The following ARHGAP15 variants were observed in gnomAD, a reference collection of about 807,000 sequenced individuals.
ARHGAP15 encodes the protein Rho GTPase activating protein 15, also known as rho GTPase-activating protein 15.
ARHGAP15 carries 51 observed loss-of-function variants against 63.7 expected under a neutral mutation model. The observed-to-expected ratio is 0.80, with a 90% CI of 0.64 to 1.01. The LOEUF (loss-of-function observed/expected upper bound fraction) is 1.01, where lower values mean the gene tolerates loss of function less well. Among genes scored for constraint, ARHGAP15 ranks in the 50% least tolerant of loss-of-function variants. The pLI is 0.00. For missense variants in ARHGAP15, 560 were observed against 564.6 expected (o/e 0.99, Z 0.08); for synonymous variants, 191 against 193.8 (o/e 0.99, Z 0.12).
At chr2:143,517,370 C>T (rs921296555) in intron 9 of ARHGAP15, among the ~76,000 whole-genome samples, 20 of 152,180 alleles carry the variant, frequency 1.3e-4, no homozygotes, top group African/African-American at 4.6e-4. Flanking sequence ...ATTCTCTCTA[C>T]ACTCGATTTT....
intron 10 of ARHGAP15, among the ~76,000 whole-genome samples, chr2:143,530,981 GAT>G (rs1694498183): frequency 6.6e-6 from 1 of 152,166 alleles, no homozygotes; most frequent in Non-Finnish European, 1.5e-5. Flanking sequence ...GGAAGTTAAG[GAT>G]ACAGCAAAGA....
chr2:143,425,542 T>A (rs1689107402), intron 6 of ARHGAP15, among the ~76,000 whole-genome samples: 1 of 152,078 alleles, frequency 6.6e-6, no homozygotes, highest in South Asian at 2.1e-4. Context: ...TGTAAACCAC[T>A]AACTATAGTT....
At chr2:143,378,493 T>C (rs1686911650) in intron 6 of ARHGAP15, among the ~76,000 whole-genome samples, 2 of 152,180 alleles carry the variant, frequency 1.3e-5, no homozygotes, top group South Asian at 2.1e-4. Context: ...CTGAATTCTC[T>C]CTCTGATAAC....
At chr2:143,428,157 C>G (rs999849239) in intron 6 of ARHGAP15, among the ~76,000 whole-genome samples, 1 of 151,866 alleles carries the variant, frequency 6.6e-6, no homozygotes, top group Non-Finnish European at 1.5e-5. Context: ...TTCAAAGAAG[C>G]CTTTACTGAA....
At chr2:143,489,560 C>T (rs1053429890) in intron 9 of ARHGAP15, among the ~76,000 whole-genome samples, 1 of 151,768 alleles carries the variant, frequency 6.6e-6, no homozygotes, top group East Asian at 1.9e-4. Context: ...TTTCCCAACT[C>T]GGTAAAAGGC....
intron 6 of ARHGAP15, among the ~76,000 whole-genome samples, chr2:143,356,915 C>G (rs1039048095): frequency 6.6e-6 from 1 of 152,172 alleles, no homozygotes; most frequent in East Asian, 1.9e-4. Context: ...CCCTGACACG[C>G]CATCCGTCAA....
chr2:143,594,489 T>A (rs1380891727), intron 11 of ARHGAP15, among the ~76,000 whole-genome samples: 1 of 152,144 alleles, frequency 6.6e-6, no homozygotes, highest in Non-Finnish European at 1.5e-5. Context: ...GGTTATAGTA[T>A]CCCAGTTTGG....
intron 9 of ARHGAP15, among the ~76,000 whole-genome samples, chr2:143,491,337 T>C (rs1178780940): frequency 6.6e-6 from 1 of 152,196 alleles, no homozygotes; most frequent in East Asian, 1.9e-4. Flanking sequence ...ATAACAGTAT[T>C]GACATCCAAG....
intron 10 of ARHGAP15, among the ~76,000 whole-genome samples, chr2:143,520,829 G>A (rs549707221): frequency 6.6e-6 from 1 of 152,202 alleles, no homozygotes; most frequent in African/African-American, 2.4e-5. Flanking sequence ...AACCCAAATA[G>A]GGCGTTGGGG....
At chr2:143,424,089 C>A (rs1689044403) in intron 6 of ARHGAP15, among the ~76,000 whole-genome samples, 3 of 151,996 alleles carry the variant, frequency 2.0e-5, no homozygotes, top group Non-Finnish European at 4.4e-5. Context: ...GCAGCAGACT[C>A]CAATACAGCA....
At chr2:143,402,742 G>A (rs1688036701) in intron 6 of ARHGAP15, among the ~76,000 whole-genome samples, 1 of 151,990 alleles carries the variant, frequency 6.6e-6, no homozygotes, top group Non-Finnish European at 1.5e-5. Context: ...AGAGCCTCAT[G>A]TTGGGCTGAT....
At chr2:143,180,032 G>T (rs527993636) in intron 2 of ARHGAP15, among the ~76,000 whole-genome samples, 1 of 152,186 alleles carries the variant, frequency 6.6e-6, no homozygotes, top group Non-Finnish European at 1.5e-5. Context: ...ACTGATCAGG[G>T]TGGTGATTTC....
intron 5 of ARHGAP15, chr2:143,247,350 C>T (rs1205708137): frequency 1.3e-5 from 2 of 152,552 alleles, no homozygotes; most frequent in Non-Finnish European, 2.9e-5. Context: ...CTGGTGCATT[C>T]TTGTACGTGA....
At chr2:143,430,751 T>C (rs1689349720) in intron 6 of ARHGAP15, among the ~76,000 whole-genome samples, 1 of 151,816 alleles carries the variant, frequency 6.6e-6, no homozygotes, top group Non-Finnish European at 1.5e-5. Context: ...AAAAATTATA[T>C]CATGAAGTCC....
chr2:143,278,448 C>T (rs1424643881), intron 6 of ARHGAP15, among the ~76,000 whole-genome samples: 1 of 152,148 alleles, frequency 6.6e-6, no homozygotes, highest in Non-Finnish European at 1.5e-5. Flanking sequence ...GACATTTCCC[C>T]AACTTAAGGC....
chr2:143,397,978 T>A (rs1427330848), intron 6 of ARHGAP15, among the ~76,000 whole-genome samples: 4 of 152,022 alleles, frequency 2.6e-5, no homozygotes, highest in African/African-American at 7.2e-5. Flanking sequence ...CATCATTAAC[T>A]CCTCTCTGCC....
chr2:143,428,137 G>A (rs1244403467), intron 6 of ARHGAP15, among the ~76,000 whole-genome samples: 1 of 151,964 alleles, frequency 6.6e-6, no homozygotes, highest in Non-Finnish European at 1.5e-5. Context: ...GCACTTGGGG[G>A]AATATCTATT....
Position 143,283,654 on chromosome 2 carries a change from G to C in ARHGAP15, c.474+33054G>C, listed in dbSNP as rs564414415. Among the ~76,000 whole-genome samples the C allele has an allele frequency of 9.9e-5, 15 of 152,188 alleles. 1 individual carries two copies. In the South Asian group the frequency reaches 1.9e-3, roughly 19 times the overall value. On this transcript the variant is annotated intron_variant, in intron 6 of 13. Transcript: ENST00000295095. ...TACTTCCACCTGTAATAATATTAAGGCTTTACTTCTTCAACATTAATTTGA... is the reference window on the plus strand; with the variant it reads ...TACTTCCACCTGTAATAATATTAAGCCTTTACTTCTTCAACATTAATTTGA...
intron 6 of ARHGAP15, among the ~76,000 whole-genome samples, chr2:143,359,567 A>T (rs1372779914): frequency 6.6e-6 from 1 of 152,186 alleles, no homozygotes; most frequent in Non-Finnish European, 1.5e-5. Flanking sequence ...TTCTTCCAAA[A>T]TCGATGCAAA....
Sources: allele counts gnomAD v4.1 joint callset (sites outside exome capture counted in the v4.1 genomes callset), GRCh38; gene constraint gnomAD v4.1.1; transcripts MANE v1.5; gene names NCBI Gene and HGNC (gene_info 2026-07-23, HGNC 2026-07-21).